Variants in SULT4A1 observed in about 807,000 individuals in gnomAD.
SULT4A1 encodes sulfotransferase family 4A member 1.
In SULT4A1, 11 loss-of-function variants were observed where a neutral mutation model predicts 35.2. That is an observed-to-expected ratio of 0.31 (90% CI 0.20 to 0.52). The LOEUF is 0.52. SULT4A1 is among the 20% of genes least tolerant of loss of function. The probability of loss-of-function intolerance (pLI) is 0.97; values close to 1 mark genes in which losing one functional copy is unlikely to be tolerated. For synonymous variants in SULT4A1, 152 were observed against 151.8 expected (o/e 1.00, Z -0.01); for missense variants, 271 against 383.7 (o/e 0.71, Z 2.45).
intron 5 of SULT4A1, among the ~76,000 whole-genome samples, chr22:43,829,434 G>C (rs543368804): frequency 6.6e-6 from 1 of 152,210 alleles, no homozygotes; most frequent in Non-Finnish European, 1.5e-5. Flanking sequence ...CCAGGGAATT[G>C]GGTTGCAGAC....
At chr22:43,840,271 G>T (rs1455888903) in intron 2 of SULT4A1, among the ~76,000 whole-genome samples, 1 of 151,230 alleles carries the variant, frequency 6.6e-6, no homozygotes, top group Non-Finnish European at 1.5e-5. Context: ...GGGAAGGGGT[G>T]GGGGCCAGGG....
chr22:43,848,953 C>T (rs1455624468), intron 1 of SULT4A1, among the ~76,000 whole-genome samples: 1 of 152,246 alleles, frequency 6.6e-6, no homozygotes. Context: ...CGGCTGGAAG[C>T]AGTAATTCAC....
intron 1 of SULT4A1, among the ~76,000 whole-genome samples, chr22:43,844,445 A>C (rs2063459081): frequency 6.6e-6 from 1 of 152,140 alleles, no homozygotes; most frequent in Admixed American, 6.5e-5. Context: ...CCCTCCTCAC[A>C]AATCAGCCAC....
intron 1 of SULT4A1, among the ~76,000 whole-genome samples, chr22:43,849,078 A>C (rs2063494384): frequency 6.6e-6 from 1 of 152,238 alleles, no homozygotes; most frequent in Admixed American, 6.5e-5. Flanking sequence ...GGCCTGTGGG[A>C]GGCCACTGCT....
rs185045934 is a variant in SULT4A1, at chr22:43,847,924, A to G, written c.170-5992T>C. Among the ~76,000 whole-genome samples the G allele has an allele frequency of 7.9e-5, 12 of 152,356 alleles. No individual in the cohort carries two copies. In the South Asian group the frequency reaches 1.4e-3, roughly 18 times the overall value. On this transcript the variant is annotated intron_variant, in intron 1 of 6. Coordinates refer to ENST00000330884, the MANE Select transcript of SULT4A1 (RefSeq NM_014351.4). ...AAACAAAAGAAACGTATTCTCTCAC[A>G]GTTCTGGAGGCCAGAAGTCCCAAAG... is the stretch of plus-strand genomic sequence containing the variant.
chr22:43,848,489 C>T (rs529025134), intron 1 of SULT4A1, among the ~76,000 whole-genome samples: 1 of 152,326 alleles, frequency 6.6e-6, no homozygotes, highest in African/African-American at 2.4e-5. Flanking sequence ...CCACAGCCAA[C>T]CCTGTGGTTC....
intron 1 of SULT4A1, among the ~76,000 whole-genome samples, chr22:43,851,512 G>C (rs1347626821): frequency 6.6e-6 from 1 of 152,154 alleles, no homozygotes; most frequent in Non-Finnish European, 1.5e-5. Flanking sequence ...ACGTGCCTGG[G>C]GGAGCAGCCT....
At chr22:43,853,633 T>C (rs1392023441) in intron 1 of SULT4A1, among the ~76,000 whole-genome samples, 5 of 152,242 alleles carry the variant, frequency 3.3e-5, no homozygotes, top group Non-Finnish European at 7.3e-5. Context: ...GACTCTGACC[T>C]GGAGACCAGA....
intron 1 of SULT4A1, among the ~76,000 whole-genome samples, chr22:43,859,055 CA>C (rs575086793): frequency 2.6e-4 from 39 of 152,282 alleles, no homozygotes; most frequent in Middle Eastern, 6.8e-3. Context: ...TCCCCCATGT[CA>C]CTGCAAGTGC....
chr22:43,833,165 G>C (rs997973144), intron 5 of SULT4A1, among the ~76,000 whole-genome samples: 17 of 152,000 alleles, frequency 1.1e-4, no homozygotes, highest in Non-Finnish European at 2.9e-5. Flanking sequence ...CCCTGCCTCT[G>C]CCTGGACTAA....
At chr22:43,826,887 A>T (rs1603403487) in intron 6 of SULT4A1, 1 of 985,378 alleles carries the variant, frequency 1.0e-6, no homozygotes, top group South Asian at 4.7e-5. Context: ...AGAAACCCAG[A>T]CCTCTTCCTG....
chr22:43,827,420 G>A, intron 6 of SULT4A1: 1 of 1,189,200 alleles, frequency 8.4e-7, no homozygotes, highest in Non-Finnish European at 1.1e-6. Flanking sequence ...TACCTAAGGG[G>A]CAAAATTAGA....
intron 4 of SULT4A1, among the ~76,000 whole-genome samples, chr22:43,835,636 A>G (rs1259374490): frequency 6.6e-6 from 1 of 152,196 alleles, no homozygotes; most frequent in Non-Finnish European, 1.5e-5. Flanking sequence ...ACTGCAGCCC[A>G]TCATCGGTAG....
At chr22:43,861,386 C>G (rs2049466698) in intron 1 of SULT4A1, among the ~76,000 whole-genome samples, 1 of 152,234 alleles carries the variant, frequency 6.6e-6, no homozygotes, top group African/African-American at 2.4e-5. Context: ...AGGAAAGCTG[C>G]TACCTCCTTT....
intron 1 of SULT4A1, among the ~76,000 whole-genome samples, chr22:43,851,249 T>G (rs1472117688): frequency 6.6e-6 from 1 of 152,206 alleles, no homozygotes; most frequent in Non-Finnish European, 1.5e-5. Context: ...CACTGCTGGT[T>G]CCTTTAGTGA....
intron 2 of SULT4A1, 63 bp downstream of exon 2, chr22:43,841,739 C>G (rs1281876381): frequency 6.4e-7 from 1 of 1,569,306 alleles, no homozygotes; most frequent in Non-Finnish European, 8.7e-7. Flanking sequence ...TGTCAATCAT[C>G]AGGGTGTAAC....
chr22:43,847,259 C>G (rs541441183), intron 1 of SULT4A1, among the ~76,000 whole-genome samples: 2 of 152,122 alleles, frequency 1.3e-5, no homozygotes, highest in African/African-American at 4.8e-5. Context: ...GGGCATAAAG[C>G]CAGCTGGCAA....
Position 43,842,073 on chromosome 22 carries a change from C to A in SULT4A1, c.170-141G>T. The A allele has an allele frequency of 1.1e-5, 14 of 1,332,470 alleles. No homozygotes were observed. The South Asian group carries it at 2.1e-4, about 20-fold the overall frequency. The allele number at this position is 1,332,470 out of a possible 1,614,324, so 82.5% of individuals were successfully genotyped here. A position where few individuals can be genotyped will look rare whatever the true frequency, so the allele number is the denominator to read the frequency against. On this transcript the variant is annotated intron_variant, in intron 1 of 6. Transcript: ENST00000330884. ...GGGCGACTGAGTCTGGGAAGAGGAG[C>A]GCGCCCCGCACGGTCTCAGCCTGAA...
At chr22:43,831,877 G>T (rs186552224) in intron 5 of SULT4A1, among the ~76,000 whole-genome samples, 8 of 152,080 alleles carry the variant, frequency 5.3e-5, no homozygotes, top group Non-Finnish European at 2.9e-5. Context: ...CAAGCCCCAC[G>T]TGTGTGCCAA....
Sources: allele counts gnomAD v4.1 joint callset (sites outside exome capture counted in the v4.1 genomes callset), GRCh38; gene constraint gnomAD v4.1.1; transcripts MANE v1.5; gene names NCBI Gene and HGNC (gene_info 2026-07-23, HGNC 2026-07-21).